The following ZC3H4 variants were observed in gnomAD, a reference collection of about 807,000 sequenced individuals.
ZC3H4 encodes the protein zinc finger CCCH domain-containing protein 4.
In ZC3H4, 13 loss-of-function variants were observed where a neutral mutation model predicts 108.3. That is an observed-to-expected ratio of 0.12 (90% CI 0.08 to 0.19). The LOEUF (loss-of-function observed/expected upper bound fraction) is 0.19. Among genes scored for constraint, ZC3H4 ranks in the 10% least tolerant of loss-of-function variants. The probability of loss-of-function intolerance (pLI) is 1.00; values close to 1 mark genes in which losing one functional copy is unlikely to be tolerated. For missense variants in ZC3H4, 1,734 were observed against 1,838.8 expected, an observed-to-expected ratio of 0.94 and a Z score of 1.04; for synonymous variants, 917 against 749.6, an observed-to-expected ratio of 1.22 and a Z score of -3.65.
chr19:47,086,528 G>A lies in ZC3H4; in HGVS notation c.726C>T (p.Gly242=), dbSNP rs372432331. 4 of 1,587,292 alleles carry A rather than the reference G, an allele frequency of 2.5e-6. No individual in the cohort carries two copies. The highest frequency in any genetic ancestry group is 3.4e-6 in the Non-Finnish European group (4 of 1,173,460). Residue 242 remains glycine, a synonymous_variant, in exon 6 of 15, where the codon GGC becomes GGT. Coordinates refer to ENST00000253048, the MANE Select transcript of ZC3H4 (RefSeq NM_015168.2). ...CTCGGCCCCTGTAGCCCCGGCCCCG[G>A]CCTCGGCTGCCTGCATGGAGATTCA... is the stretch of plus-strand genomic sequence containing the variant. ...EGSSRGRGSR[G]RGRGYRGRGS...
chr19:47,071,564 G>A (rs927785371), intron 13 of ZC3H4, among the ~76,000 whole-genome samples: 2 of 152,124 alleles, frequency 1.3e-5, no homozygotes, highest in Non-Finnish European at 2.9e-5. Flanking sequence ...AAATTAAAAA[G>A]AAATAACCTA....
chr19:47,085,688 T>C (rs1483287162), intron 6 of ZC3H4, among the ~76,000 whole-genome samples: 10 of 152,058 alleles, frequency 6.6e-5, no homozygotes. Flanking sequence ...GACTGTGGAC[T>C]GGCGTGGAAG....
rs1453585912 is a variant in ZC3H4 at position 47,094,030 on chromosome 19, A to G, written c.432T>C (p.Asp144=). The change falls in exon 4 of 15, where the codon GAT becomes GAC. Residue 144 remains aspartate (D), a synonymous_variant. Coordinates refer to ENST00000253048, the MANE Select transcript of ZC3H4 (RefSeq NM_015168.2). ...DDFSDFSDDS[D]FSPSEKGHRK... The stretch of plus-strand genomic sequence containing the variant: ...GGTGACCTTTCTCACTGGGGCTGAA[A>G]TCCGAGTCATCTGAGAAGTCAGAGA... The G allele has an allele frequency of 6.2e-7, 1 of 1,614,162 alleles. No individual in the cohort carries two copies. The highest frequency in any genetic ancestry group is 1.7e-5 in the Admixed American group (1 of 60,018).
chr19:47,110,369 G>T (rs993860548), intron 2 of ZC3H4, among the ~76,000 whole-genome samples: 3 of 152,146 alleles, frequency 2.0e-5, no homozygotes, highest in Admixed American at 6.5e-5. Flanking sequence ...GATGCCAAGG[G>T]TCTGAAAACA....
chr19:47,080,908 C>T (rs563329100), intron 11 of ZC3H4, among the ~76,000 whole-genome samples: 2 of 152,268 alleles, frequency 1.3e-5, no homozygotes, highest in South Asian at 2.1e-4. Flanking sequence ...GCTGAGATTA[C>T]AAGCGTGAGC....
At chr19:47,076,057 A>G (rs767847480) in intron 11 of ZC3H4, among the ~76,000 whole-genome samples, 1 of 152,252 alleles carries the variant, frequency 6.6e-6, no homozygotes, top group Non-Finnish European at 1.5e-5. Context: ...TAACACTTGT[A>G]GAGGTGCAGA....
intron 2 of ZC3H4, among the ~76,000 whole-genome samples, chr19:47,104,043 G>A (rs1394135983): frequency 6.6e-6 from 1 of 152,100 alleles, no homozygotes; most frequent in Non-Finnish European, 1.5e-5. Context: ...TCTTAGCCAG[G>A]CGCAGTGGCT....
In ZC3H4 at chr19:47,094,866, C is replaced by T. The variant is rs143190447; in HGVS notation, c.162-258G>A. On this transcript the variant is annotated intron_variant, in intron 2 of 14. Coordinates refer to ENST00000253048, the MANE Select transcript of ZC3H4 (RefSeq NM_015168.2). ...TACCACTAACACCGGGACACATCTA[C>T]GCCAGATTTCCCAACAGAACTAGTG... 2.6e-5 allele frequency among the ~76,000 whole-genome samples: 4 copies of T among 152,292 alleles called. No homozygotes were observed. In the East Asian group the frequency reaches 5.8e-4, roughly 22 times the overall value.
intron 2 of ZC3H4, among the ~76,000 whole-genome samples, chr19:47,107,702 C>T (rs2057985182): frequency 6.6e-6 from 1 of 151,620 alleles, no homozygotes; most frequent in African/African-American, 2.4e-5. Context: ...AATCTAGCAC[C>T]AACCAAGAGG....
intron 4 of ZC3H4, among the ~76,000 whole-genome samples, chr19:47,093,046 C>T (rs1000651636): frequency 6.6e-6 from 1 of 151,472 alleles, no homozygotes. Context: ...GAAATCCTGT[C>T]TCTACTAAAA....
At chr19:47,079,068 T>C in intron 11 of ZC3H4, among the ~76,000 whole-genome samples, 1 of 148,236 alleles carries the variant, frequency 6.7e-6, no homozygotes, top group East Asian at 2.1e-4. Context: ...TCGCTCTTGT[T>C]GCCCAGGCTG....
In ZC3H4 at chr19:47,066,436, G is replaced by A. The variant is rs371114315; in HGVS notation, c.3832C>T (p.Arg1278Cys). The A allele has an allele frequency of 5.5e-5, 87 of 1,573,496 alleles. No individual in the cohort carries two copies. Among genetic ancestry groups the A allele is most frequent in the African/African-American group, 4.7e-4 (35 of 74,274 alleles). ...GATGCCGCATCCTGCTCACCCTCGC[G>A]GGCCGGACTGTTCCCAGCAAATGGG... ...GSPFAGNSPA[R>C]EGEQDAASLK... The change falls in exon 15 of 15, where the codon CGC becomes TGC. Residue 1278 changes from arginine (R) to cysteine (C), a missense_variant. Coordinates refer to ENST00000253048, the MANE Select transcript of ZC3H4 (RefSeq NM_015168.2).
At chr19:47,069,606 G>A (rs972504277) in intron 13 of ZC3H4, among the ~76,000 whole-genome samples, 3 of 152,192 alleles carry the variant, frequency 2.0e-5, no homozygotes, top group Admixed American at 6.5e-5. Context: ...TTGGATGTAC[G>A]TTTGTAAGAC....
chr19:47,080,357 C>T (rs888051591), intron 11 of ZC3H4, among the ~76,000 whole-genome samples: 4 of 152,200 alleles, frequency 2.6e-5, no homozygotes, highest in Non-Finnish European at 5.9e-5. Flanking sequence ...ACACCTCCCC[C>T]AAGGGAGCCT....
chr19:47,089,077 G>A (rs751134234), intron 5 of ZC3H4, among the ~76,000 whole-genome samples: 2 of 151,688 alleles, frequency 1.3e-5, no homozygotes, highest in Non-Finnish European at 2.9e-5. Flanking sequence ...GTAGTGGCAC[G>A]TGCCTGTAAT....
chr19:47,066,892 G>A lies in ZC3H4; in HGVS notation c.3376C>T (p.Leu1126=), dbSNP rs201809030. The A allele has an allele frequency of 1.2e-4, 199 of 1,597,932 alleles. No individual in the cohort carries two copies. The African/African-American group carries it at 2.5e-3, about 20-fold the overall frequency. Residue 1126 remains leucine, a synonymous_variant, in exon 15 of 15, where the codon CTG becomes TTG. Coordinates refer to ENST00000253048, the MANE Select transcript of ZC3H4 (RefSeq NM_015168.2). ...PATAPYDPRV[L]AAGGLGQGGG... is the part of the protein sequence containing the mutation. ...CCCTGGCCCAGTCCACCGGCCGCCA[G>A]CACGCGGGGGTCGTAGGGAGCGGTG...
chr19:47,082,485 A>G (rs1266198890), intron 9 of ZC3H4, among the ~76,000 whole-genome samples, 190 bp from the exon 10 acceptor site: 2 of 152,116 alleles, frequency 1.3e-5, no homozygotes, highest in African/African-American at 2.4e-5. Context: ...AATTTTTTAA[A>G]TATTTTTTTG....
At chr19:47,083,419 T>C (rs1467183057) in intron 9 of ZC3H4, among the ~76,000 whole-genome samples, 1 of 151,920 alleles carries the variant, frequency 6.6e-6, no homozygotes, top group Non-Finnish European at 1.5e-5. Flanking sequence ...AGAATAGAAA[T>C]TGTAACTAAA....
intron 13 of ZC3H4, 149 bp downstream of exon 13, chr19:47,071,629 A>G (rs2057327220): frequency 2.6e-6 from 2 of 781,744 alleles, no homozygotes; most frequent in Non-Finnish European, 3.9e-6. Context: ...ATCCTATGTC[A>G]CTGAAAACAT....
Sources: allele counts gnomAD v4.1 joint callset (sites outside exome capture counted in the v4.1 genomes callset), GRCh38; gene constraint gnomAD v4.1.1; transcripts MANE v1.5; gene names NCBI Gene and HGNC (gene_info 2026-07-23, HGNC 2026-07-21).